The following ADARB2 variants were observed in gnomAD, a reference collection of about 807,000 sequenced individuals.
ADARB2 encodes the protein inactive double-stranded RNA-specific editase B2.
ADARB2 carries 25 observed loss-of-function variants against 62.2 expected under a neutral mutation model. The observed-to-expected ratio is 0.40, with a 90% CI of 0.29 to 0.56. The LOEUF is 0.56. ADARB2 is among the 20% of genes least tolerant of loss of function. ADARB2 has a pLI of 0.43. For missense variants in ADARB2, 1,071 were observed against 1,077.4 expected (o/e 0.99, Z 0.08); for synonymous variants, 572 against 500.8 (o/e 1.14, Z -1.90).
intron 1 of ADARB2, among the ~76,000 whole-genome samples, chr10:1,460,899 G>GTGTAGCA (rs1831166401): frequency 1.9e-5 from 1 of 52,046 alleles, no homozygotes; most frequent in Non-Finnish European, 4.1e-5. Flanking sequence ...CCTGCGTTAC[G>GTGTAGCA]AACCTGCCTG....
chr10:1,332,508 G>T (rs1160938755), intron 3 of ADARB2, among the ~76,000 whole-genome samples: 2 of 137,834 alleles, frequency 1.5e-5, no homozygotes, highest in Non-Finnish European at 3.2e-5. Flanking sequence ...CATCGAACAG[G>T]TGTTAAATAT....
chr10:1,473,243 G>T (rs1831350117), intron 1 of ADARB2, among the ~76,000 whole-genome samples: 1 of 152,188 alleles, frequency 6.6e-6, no homozygotes. Flanking sequence ...ACTTGCCTCG[G>T]TCTCTTCTTC....
chr10:1,646,009 G>T (rs1403996779), intron 1 of ADARB2, among the ~76,000 whole-genome samples: 1 of 152,202 alleles, frequency 6.6e-6, no homozygotes, highest in Non-Finnish European at 1.5e-5. Context: ...AACCAGAGTG[G>T]TGTTAGGAGA....
intron 1 of ADARB2, among the ~76,000 whole-genome samples, chr10:1,508,005 G>T (rs1245456326): frequency 6.6e-6 from 1 of 152,146 alleles, no homozygotes. Flanking sequence ...CACAATTGAC[G>T]ACTGTGTGAC....
intron 1 of ADARB2, among the ~76,000 whole-genome samples, chr10:1,482,619 G>A (rs764730443): frequency 6.6e-6 from 1 of 152,172 alleles, no homozygotes; most frequent in Non-Finnish European, 1.5e-5. Flanking sequence ...CACTGAGAAG[G>A]TGCTTAACAT....
At chr10:1,341,719 C>T (rs1832030769) in intron 3 of ADARB2, among the ~76,000 whole-genome samples, 1 of 151,844 alleles carries the variant, frequency 6.6e-6, no homozygotes, top group Non-Finnish European at 1.5e-5. Flanking sequence ...CACCAGGGAA[C>T]CACGTGCCCC....
At chr10:1,270,317 TA>T (rs1475508852) in intron 4 of ADARB2, among the ~76,000 whole-genome samples, 1 of 152,184 alleles carries the variant, frequency 6.6e-6, no homozygotes. Flanking sequence ...TATTTCACAG[TA>T]ATGACTCCCA....
intron 2 of ADARB2, among the ~76,000 whole-genome samples, chr10:1,373,172 T>C (rs1352738352): frequency 6.6e-6 from 1 of 152,174 alleles, no homozygotes; most frequent in African/African-American, 2.4e-5. Context: ...AGATCCCGAC[T>C]TGACAAAGCA....
chr10:1,534,190 G>A (rs1191972673), intron 1 of ADARB2, among the ~76,000 whole-genome samples: 1 of 150,786 alleles, frequency 6.6e-6, no homozygotes, highest in African/African-American at 2.4e-5. Context: ...AGGCTGGAGT[G>A]TAAGGGCATG....
intron 1 of ADARB2, among the ~76,000 whole-genome samples, chr10:1,698,127 C>T (rs761310236): frequency 4.6e-5 from 7 of 152,232 alleles, no homozygotes; most frequent in Non-Finnish European, 1.0e-4. Context: ...AGTAGTTACT[C>T]ACATGCTCCC....
chr10:1,606,413 G>A (rs890054173), intron 1 of ADARB2, among the ~76,000 whole-genome samples: 7 of 152,192 alleles, frequency 4.6e-5, no homozygotes, highest in African/African-American at 1.4e-4. Context: ...ACGCAAGCAG[G>A]TGAGAGCCCT....
At chr10:1,623,641 C>G (rs1183844027) in intron 1 of ADARB2, among the ~76,000 whole-genome samples, 1 of 152,228 alleles carries the variant, frequency 6.6e-6, no homozygotes, top group Non-Finnish European at 1.5e-5. Flanking sequence ...ACCGTCATCA[C>G]CTTCTCTGTC....
chr10:1,217,177 G>A (rs1830637081), intron 6 of ADARB2, 58 bp from the exon 7 acceptor site: 2 of 1,466,946 alleles, frequency 1.4e-6, no homozygotes, highest in Non-Finnish European at 1.8e-6. Flanking sequence ...GGTTTTGGGA[G>A]GTGGGAGAAG....
chr10:1,367,555 C>T (rs777000274), intron 2 of ADARB2, among the ~76,000 whole-genome samples: 5 of 152,164 alleles, frequency 3.3e-5, no homozygotes, highest in Non-Finnish European at 7.3e-5. Context: ...ATACATATAG[C>T]ACTGCTCTAC....
intron 7 of ADARB2, among the ~76,000 whole-genome samples, chr10:1,214,008 G>T (rs1228547053): frequency 2.0e-5 from 3 of 147,114 alleles, no homozygotes; most frequent in Non-Finnish European, 4.4e-5. Flanking sequence ...CTGGCATTGC[G>T]TGGGTTCGCA....
At chr10:1,258,062 GCA>G (rs1831096358) in intron 4 of ADARB2, among the ~76,000 whole-genome samples, 3 of 152,148 alleles carry the variant, frequency 2.0e-5, no homozygotes, top group African/African-American at 4.8e-5. Flanking sequence ...CACAGATAAT[GCA>G]CAGTCATTTC....
chr10:1,565,451 C>CCG, intron 1 of ADARB2, among the ~76,000 whole-genome samples: 1 of 152,064 alleles, frequency 6.6e-6, no homozygotes, highest in Non-Finnish European at 1.5e-5. Context: ...TTTTTAGATC[C>CCG]ATGGATATAC....
chr10:1,184,063 T>C lies in ADARB2; in HGVS notation c.2044-694A>G, dbSNP rs1002210563. ...GCCCTTGAGCGGACAGGACAGAGGC[T>C]GAGAGCTGCAGGATGCTGGGCGTCT... On this transcript the variant is annotated intron_variant, in intron 9 of 9. Transcript: ENST00000381312. Among the ~76,000 whole-genome samples, 54 of 152,350 alleles carry C rather than the reference T, an allele frequency of 3.5e-4. 1 individual carries two copies. Among genetic ancestry groups the C allele is most frequent in the African/African-American group, 1.3e-3 (53 of 41,588 alleles).
At chr10:1,659,360 G>T (rs949906807) in intron 1 of ADARB2, among the ~76,000 whole-genome samples, 2 of 152,180 alleles carry the variant, frequency 1.3e-5, no homozygotes, top group African/African-American at 4.8e-5. Context: ...CTGTCTATGA[G>T]CTGGGGGAAG....
Sources: gnomAD v4.1 joint callset for allele counts (sites outside exome capture counted in the v4.1 genomes callset) on GRCh38, gnomAD v4.1.1 for gene constraint, MANE v1.5 for transcripts, NCBI Gene and HGNC (gene_info 2026-07-23, HGNC 2026-07-21) for gene names.